R3HDM1: variants seen among roughly 807,000 people sequenced by gnomAD.
R3HDM1 encodes R3H domain-containing protein 1.
R3HDM1 carries 46 observed loss-of-function variants against 141.1 expected under a neutral mutation model. The ratio of observed to expected loss-of-function variants is 0.33; its 90% CI spans 0.26 to 0.42. The LOEUF (loss-of-function observed/expected upper bound fraction) is 0.42. Among genes scored for constraint, R3HDM1 ranks in the 10% least tolerant of loss-of-function variants. The pLI is 1.00. For missense variants in R3HDM1, 1,184 were observed against 1,368.3 expected, an observed-to-expected ratio of 0.87 and a Z score of 2.12; for synonymous variants, 435 against 472.9, an observed-to-expected ratio of 0.92 and a Z score of 1.04.
At chr2:135,708,587 G>T (rs2075234636) in intron 21 of R3HDM1, among the ~76,000 whole-genome samples, 1 of 152,046 alleles carries the variant, frequency 6.6e-6, no homozygotes, top group South Asian at 2.1e-4. Flanking sequence ...TCATTCTGTG[G>T]TTTTTAACTA....
intron 3 of R3HDM1, among the ~76,000 whole-genome samples, chr2:135,608,171 C>T (rs1336434228): frequency 6.6e-6 from 1 of 152,008 alleles, no homozygotes; most frequent in Non-Finnish European, 1.5e-5. Context: ...AAAAAATTAG[C>T]TGGGCATGGT....
intron 18 of R3HDM1, among the ~76,000 whole-genome samples, chr2:135,654,329 A>G (rs2065506661): frequency 6.6e-6 from 1 of 152,134 alleles, no homozygotes; most frequent in Non-Finnish European, 1.5e-5. Flanking sequence ...ACACAGTGGC[A>G]CACTATTCAT....
intron 19 of R3HDM1, among the ~76,000 whole-genome samples, chr2:135,662,067 A>G (rs776847179): frequency 1.2e-4 from 18 of 152,156 alleles, no homozygotes; most frequent in Admixed American, 3.3e-4. Context: ...TTTTTAATGA[A>G]CTCATTTCTC....
At chr2:135,592,564 CA>C (rs570393292) in intron 1 of R3HDM1, among the ~76,000 whole-genome samples, 4 of 151,800 alleles carry the variant, frequency 2.6e-5, no homozygotes, top group African/African-American at 4.8e-5. Flanking sequence ...TGGAAACAAA[CA>C]AAAAAAACTA....
intron 21 of R3HDM1, among the ~76,000 whole-genome samples, chr2:135,689,761 C>T (rs1411311176): frequency 6.6e-6 from 1 of 152,104 alleles, no homozygotes; most frequent in Non-Finnish European, 1.5e-5. Context: ...AAGTACTAGT[C>T]AGGGACACTA....
intron 1 of R3HDM1, among the ~76,000 whole-genome samples, chr2:135,533,620 T>A (rs1375029256): frequency 6.6e-6 from 1 of 152,248 alleles, no homozygotes; most frequent in East Asian, 1.9e-4. Flanking sequence ...TTGGCGCACC[T>A]GTAATCCCAG....
At chr2:135,575,654 A>G (rs1705251522) in intron 1 of R3HDM1, among the ~76,000 whole-genome samples, 1 of 152,256 alleles carries the variant, frequency 6.6e-6, no homozygotes, top group African/African-American at 2.4e-5. Flanking sequence ...GTTAGCAGTC[A>G]GTCACAATGG....
At chr2:135,571,101 G>A (rs997961109) in intron 1 of R3HDM1, among the ~76,000 whole-genome samples, 1 of 151,988 alleles carries the variant, frequency 6.6e-6, no homozygotes, top group Non-Finnish European at 1.5e-5. Flanking sequence ...TATTTTTTTA[G>A]TTAATGAGGA....
At chr2:135,615,887 A>G (rs2060980513) in intron 3 of R3HDM1, among the ~76,000 whole-genome samples, 1 of 152,240 alleles carries the variant, frequency 6.6e-6, no homozygotes, top group Non-Finnish European at 1.5e-5. Flanking sequence ...CTCAATTAAC[A>G]CAGAAATTGT....
At position 135,621,624 on chromosome 2, in the gene R3HDM1, G is replaced by GT. The variant is rs3834114; in HGVS notation, c.418+25dup. ...TTATCAAGAGGTTTGCAGTTCTTTT[G>GT]TTTTTTTTTAAAAAAAAATTTTGCT... is the stretch of plus-strand genomic sequence containing the variant. On this transcript the variant is annotated intron_variant, in intron 6 of 26. Transcript: ENST00000683871. 897 of 1,502,310 alleles carry GT rather than the reference G, an allele frequency of 6.0e-4. No individual in the cohort carries two copies. Among genetic ancestry groups the GT allele is most frequent in the South Asian group, 1.2e-3 (86 of 73,622 alleles). The allele number at this position is 1,502,310 out of a possible 1,614,324, so 93.1% of individuals were successfully genotyped here.
At chr2:135,675,553 T>C in intron 20 of R3HDM1, 67 bp downstream of exon 20, 1 of 1,439,778 alleles carries the variant, frequency 6.9e-7, no homozygotes, top group Non-Finnish European at 9.5e-7. Flanking sequence ...ACAACTACAA[T>C]ACATCTTCTA....
rs867634856 is a variant in R3HDM1, at chr2:135,626,204, C to T, written c.497+3472C>T. Among the ~76,000 whole-genome samples the T allele has an allele frequency of 1.3e-3, 178 of 139,054 alleles. 1 individual carries two copies. Among genetic ancestry groups the T allele is most frequent in the African/African-American group, 5.7e-3 (169 of 29,498 alleles). 91.2% of individuals were successfully genotyped at this position (139,054 alleles called of 152,430 possible). A position where few individuals can be genotyped will look rare whatever the true frequency, so the allele number is the denominator to read the frequency against. On this transcript the variant is annotated intron_variant, in intron 7 of 26. Coordinates refer to ENST00000683871, the MANE Select transcript of R3HDM1 (RefSeq NM_001378107.1). ...GCTTGCGTGCGTGCGTGCGTGCGTG[C>T]GTGCGTGCTTGCTTGCTTGCTTGCT...
chr2:135,567,634 A>G (rs371615916), intron 1 of R3HDM1, among the ~76,000 whole-genome samples: 1 of 152,160 alleles, frequency 6.6e-6, no homozygotes, highest in African/African-American at 2.4e-5. Flanking sequence ...TATTTAAACT[A>G]TGGGTTTTCT....
intron 16 of R3HDM1, 119 bp downstream of exon 16, chr2:135,645,646 C>T: frequency 8.1e-7 from 1 of 1,230,722 alleles, no homozygotes; most frequent in East Asian, 2.4e-5. Context: ...TATTCTGCCA[C>T]TAGTGATATT....
At position 135,642,132 on chromosome 2, in the gene R3HDM1, A is replaced by G. The variant is rs117479354; in HGVS notation, c.1474+342A>G. ...TAACCAACATTGATTTTTTTGGATG[A>G]TACAACAATTTTATACTTGGGAAAA... On this transcript the variant is annotated intron_variant, in intron 15 of 26. Coordinates refer to ENST00000683871, the MANE Select transcript of R3HDM1 (RefSeq NM_001378107.1). Among the ~76,000 whole-genome samples the G allele has an allele frequency of 8.9e-3, 1,358 of 152,274 alleles. 93 individuals are homozygous for G. In the East Asian group the frequency reaches 0.16, roughly 18 times the overall value.
At chr2:135,655,577 G>C (rs565390441) in intron 18 of R3HDM1, among the ~76,000 whole-genome samples, 1 of 151,960 alleles carries the variant, frequency 6.6e-6, no homozygotes, top group South Asian at 2.1e-4. Context: ...CGCGATCTCG[G>C]CTCACTGCAA....
intron 3 of R3HDM1, among the ~76,000 whole-genome samples, chr2:135,612,539 A>G (rs184764383): frequency 6.6e-6 from 1 of 152,272 alleles, no homozygotes; most frequent in African/African-American, 2.4e-5. Flanking sequence ...TATTAGTATC[A>G]ATTTCAAACT....
chr2:135,604,294 T>C (rs1488933043), intron 2 of R3HDM1, among the ~76,000 whole-genome samples: 1 of 152,240 alleles, frequency 6.6e-6, no homozygotes, highest in Non-Finnish European at 1.5e-5. Context: ...AAAGCTATTA[T>C]AGGTATCCCT....
intron 18 of R3HDM1, among the ~76,000 whole-genome samples, chr2:135,657,511 A>G (rs1034716473): frequency 7.2e-5 from 11 of 152,254 alleles, no homozygotes; most frequent in African/African-American, 2.6e-4. Context: ...AAGGGATCCC[A>G]TATGTATTGT....
Sources: allele counts gnomAD v4.1 joint callset (sites outside exome capture counted in the v4.1 genomes callset), GRCh38; gene constraint gnomAD v4.1.1; transcripts MANE v1.5; gene names NCBI Gene and HGNC (gene_info 2026-07-23, HGNC 2026-07-21).